Variants in GNA13 observed in about 807,000 individuals in gnomAD.
The protein encoded by GNA13 is guanine nucleotide-binding protein subunit alpha-13.
Under a neutral mutation model 33.5 loss-of-function variants are expected in GNA13, and 4 were observed. The ratio of observed to expected loss-of-function variants is 0.12; its 90% CI spans 0.06 to 0.27. GNA13 has a LOEUF of 0.27. Ranked by LOEUF, GNA13 falls within the 10% of genes least tolerant of loss-of-function variation. GNA13 has a pLI of 1.00. For missense variants in GNA13, 319 were observed against 487.2 expected, an observed-to-expected ratio of 0.65 and a Z score of 3.25; for synonymous variants, 176 against 183.8, an observed-to-expected ratio of 0.96 and a Z score of 0.34.
intron 2 of GNA13, among the ~76,000 whole-genome samples, chr17:65,022,302 C>T (rs971376515): frequency 6.6e-6 from 1 of 151,926 alleles, no homozygotes; most frequent in African/African-American, 2.4e-5. Context: ...GTTGCACTCT[C>T]ATGACTCTGC....
At chr17:65,034,377 A>ATT (rs763627403) in intron 2 of GNA13, among the ~76,000 whole-genome samples, 5 of 144,386 alleles carry the variant, frequency 3.5e-5, no homozygotes, top group Non-Finnish European at 4.6e-5. Flanking sequence ...AAGGCTAATA[A>ATT]TTTTTTTTTT....
intron 3 of GNA13, among the ~76,000 whole-genome samples, chr17:65,017,425 T>C (rs530440969): frequency 3.2e-4 from 49 of 152,272 alleles, no homozygotes; most frequent in African/African-American, 1.1e-3. Flanking sequence ...ACCTGCCTTA[T>C]GAGGAGGCAA....
At chr17:65,029,491 T>TA (rs1906922331) in intron 2 of GNA13, among the ~76,000 whole-genome samples, 1 of 152,230 alleles carries the variant, frequency 6.6e-6, no homozygotes, top group Non-Finnish European at 1.5e-5. Context: ...TTAGGTGGCT[T>TA]AGCCAACAAA....
intron 2 of GNA13, among the ~76,000 whole-genome samples, chr17:65,038,394 C>T (rs997037844): frequency 3.7e-5 from 2 of 54,314 alleles, no homozygotes; most frequent in Non-Finnish European, 7.9e-5. Flanking sequence ...CAGAGCAAGA[C>T]ACCATCTCAA....
intron 2 of GNA13, among the ~76,000 whole-genome samples, chr17:65,045,318 G>A (rs112152541): frequency 0.11 from 15,999 of 151,564 alleles, 2,816 homozygotes; most frequent in African/African-American, 0.36. Context: ...TCAGGAGTTC[G>A]AGACCAGCCT....
chr17:65,027,202 CT>C (rs1037399194), intron 2 of GNA13, among the ~76,000 whole-genome samples: 2 of 152,156 alleles, frequency 1.3e-5, no homozygotes, highest in Non-Finnish European at 2.9e-5. Flanking sequence ...AACACTAGCA[CT>C]TTTGTGTCCT....
intron 2 of GNA13, among the ~76,000 whole-genome samples, chr17:65,031,892 G>GAAAA (rs777048043): frequency 1.9e-5 from 2 of 105,720 alleles, no homozygotes; most frequent in Non-Finnish European, 4.1e-5. Flanking sequence ...GAGAGAGAGA[G>GAAAA]AGAAAGAGAG....
chr17:65,031,956 G>A (rs937781618), intron 2 of GNA13, among the ~76,000 whole-genome samples: 4 of 148,958 alleles, frequency 2.7e-5, no homozygotes, highest in Admixed American at 2.0e-4. Context: ...GTGTGTGTGT[G>A]TATAAAAGAG....
intron 2 of GNA13, among the ~76,000 whole-genome samples, chr17:65,027,438 A>G (rs922886566): frequency 2.6e-5 from 4 of 151,706 alleles, no homozygotes; most frequent in African/African-American, 9.7e-5. Flanking sequence ...GTACCACCAC[A>G]AGCAGCCACT....
chr17:65,011,162 A>G lies in GNA13; in HGVS notation c.*3095T>C. Reference sequence around the variant, plus strand: ...TGGTATTTGTTGAATCTAAATCAGCACTTCTAATCATTTCTGGTATTAAGG... The same window carrying G: ...TGGTATTTGTTGAATCTAAATCAGCGCTTCTAATCATTTCTGGTATTAAGG... On this transcript the variant is annotated 3_prime_UTR_variant, in exon 4 of 4. Transcript: ENST00000439174. 4.9e-6 allele frequency: 1 copy of G among 205,626 alleles called. No individual in the cohort carries two copies. Among genetic ancestry groups the G allele is most frequent in the Non-Finnish European group, 9.9e-6 (1 of 100,552 alleles). The allele number at this position is 205,626 out of a possible 1,614,324, so 12.7% of individuals were successfully genotyped here.
At chr17:65,036,797 T>C (rs980232479) in intron 2 of GNA13, among the ~76,000 whole-genome samples, 4 of 152,250 alleles carry the variant, frequency 2.6e-5, no homozygotes, top group Non-Finnish European at 5.9e-5. Context: ...ACTTACAAAA[T>C]GACCAGAACT....
chr17:65,052,665 C>T (rs557392567), intron 2 of GNA13, among the ~76,000 whole-genome samples: 1 of 152,312 alleles, frequency 6.6e-6, no homozygotes, highest in South Asian at 2.1e-4. Context: ...GTATCTTTAA[C>T]CTGGATTGGA....
At position 65,013,661 on chromosome 17, in the gene GNA13, T is replaced by C. The variant is rs779911195; in HGVS notation, c.*596A>G. 10 of 213,344 alleles carry C rather than the reference T, an allele frequency of 4.7e-5. No individual in the cohort carries two copies. Among genetic ancestry groups the C allele is most frequent in the African/African-American group, 6.8e-5 (3 of 44,200 alleles). 13.2% of individuals were successfully genotyped at this position (213,344 alleles called of 1,614,324 possible). A position where few individuals can be genotyped will look rare whatever the true frequency, so the allele number is the denominator to read the frequency against. On this transcript the variant is annotated 3_prime_UTR_variant, in exon 4 of 4. Transcript: ENST00000439174. ...TGTAAACTTGAAAACAGGAAGAACA[T>C]TACCTTCAGAAACACAGAAATCTAA...
chr17:65,042,287 G>A (rs9911902), intron 2 of GNA13, among the ~76,000 whole-genome samples: 9,042 of 151,244 alleles, frequency 0.06, 835 homozygotes, highest in African/African-American at 0.21. Flanking sequence ...GAACCCGGGA[G>A]GCAGAGGTTG....
intron 1 of GNA13, among the ~76,000 whole-genome samples, chr17:65,054,838 G>A (rs1030005549): frequency 7.9e-5 from 12 of 152,128 alleles, no homozygotes; most frequent in African/African-American, 2.7e-4. Flanking sequence ...TTCAATTAAG[G>A]ACTGTCAAGG....
Position 65,056,707 on chromosome 17 carries a change from G to A in GNA13, c.-114C>T, listed in dbSNP as rs553871614. On this transcript the variant is annotated 5_prime_UTR_variant, in exon 1 of 4. Transcript: ENST00000439174. ...AGGGCGGGGAGCGCGGCGGCGGCCC[G>A]AGCGCGCCCAGGGAGGGAGGGAACC... is the stretch of plus-strand genomic sequence containing the variant. 636 of 672,604 alleles carry A rather than the reference G, an allele frequency of 9.5e-4. 5 individuals carry two copies. Among genetic ancestry groups the A allele is most frequent in the South Asian group, 6.6e-3 (149 of 22,568 alleles). The allele number at this position is 672,604 out of a possible 1,614,324, so 41.7% of individuals were successfully genotyped here.
chr17:65,027,150 A>G (rs1301073160), intron 2 of GNA13, among the ~76,000 whole-genome samples: 1 of 152,178 alleles, frequency 6.6e-6, no homozygotes, highest in Non-Finnish European at 1.5e-5. Flanking sequence ...ATGAAAATCT[A>G]GTTTACTGAC....
chr17:65,031,821 G>C (rs1437921422), intron 2 of GNA13, among the ~76,000 whole-genome samples: 1 of 149,016 alleles, frequency 6.7e-6, no homozygotes. Flanking sequence ...AGGTGAGGTA[G>C]GGGGTACTAT....
At chr17:65,044,960 C>A (rs1242307729) in intron 2 of GNA13, among the ~76,000 whole-genome samples, 1 of 150,118 alleles carries the variant, frequency 6.7e-6, no homozygotes. Context: ...GGAGAACTGG[C>A]TGAGCCTGGG....
Sources: allele counts gnomAD v4.1 joint callset (sites outside exome capture counted in the v4.1 genomes callset), GRCh38; gene constraint gnomAD v4.1.1; transcripts MANE v1.5; gene names NCBI Gene and HGNC (gene_info 2026-07-23, HGNC 2026-07-21).